SLC25A21: variants seen among roughly 807,000 people sequenced by gnomAD.
SLC25A21 encodes solute carrier family 25 member 21, also known as mitochondrial 2-oxodicarboxylate carrier.
SLC25A21 carries 47 observed loss-of-function variants against 43.8 expected under a neutral mutation model. That is an observed-to-expected ratio of 1.07 (90% CI 0.85 to 1.37). The LOEUF (loss-of-function observed/expected upper bound fraction) is 1.37. SLC25A21 is among the 40% of genes most tolerant of loss of function. The pLI is 0.00. For missense variants in SLC25A21, 352 were observed against 350.2 expected (o/e 1.00, Z -0.04); for synonymous variants, 131 against 121.3 (o/e 1.08, Z -0.52).
chr14:36,802,241 G>A (rs574487564), intron 3 of SLC25A21, among the ~76,000 whole-genome samples: 3 of 152,136 alleles, frequency 2.0e-5, no homozygotes, highest in African/African-American at 7.2e-5. Flanking sequence ...TATGAAACTA[G>A]TAATTATTCA....
chr14:36,837,965 G>A (rs1889264364), intron 2 of SLC25A21, among the ~76,000 whole-genome samples: 1 of 152,216 alleles, frequency 6.6e-6, no homozygotes, highest in Non-Finnish European at 1.5e-5. Flanking sequence ...CAGGAACCAA[G>A]TCATCACCAC....
intron 1 of SLC25A21, among the ~76,000 whole-genome samples, chr14:36,910,553 G>C (rs1891660865): frequency 6.6e-6 from 1 of 152,178 alleles, no homozygotes; most frequent in South Asian, 2.1e-4. Context: ...GCTGGGGACA[G>C]AGAGAAAGGA....
intron 1 of SLC25A21, among the ~76,000 whole-genome samples, chr14:37,022,019 T>C (rs1208564885): frequency 6.6e-6 from 1 of 151,782 alleles, no homozygotes; most frequent in Non-Finnish European, 1.5e-5. Context: ...GCATTATTTA[T>C]AAAATAAGCC....
chr14:36,923,223 C>T (rs182388468), intron 1 of SLC25A21, among the ~76,000 whole-genome samples: 3 of 152,228 alleles, frequency 2.0e-5, no homozygotes, highest in Non-Finnish European at 2.9e-5. Flanking sequence ...TAGCTATCCA[C>T]GCATTATGAA....
chr14:36,853,871 G>C (rs1269563979), intron 2 of SLC25A21, among the ~76,000 whole-genome samples: 1 of 152,196 alleles, frequency 6.6e-6, no homozygotes, highest in Non-Finnish European at 1.5e-5. Flanking sequence ...ACTTGGATTA[G>C]AGAGCACAGT....
intron 1 of SLC25A21, among the ~76,000 whole-genome samples, chr14:37,164,491 C>T (rs1963999466): frequency 6.6e-6 from 1 of 152,132 alleles, no homozygotes; most frequent in Non-Finnish European, 1.5e-5. Context: ...TCCAAAGGTG[C>T]CATTTATCCA....
intron 1 of SLC25A21, among the ~76,000 whole-genome samples, chr14:37,091,144 T>C (rs1175922260): frequency 1.3e-5 from 2 of 152,012 alleles, no homozygotes; most frequent in African/African-American, 4.8e-5. Flanking sequence ...TTAGAAACAA[T>C]AGACAATGGG....
At chr14:36,925,654 C>A (rs188628048) in intron 1 of SLC25A21, among the ~76,000 whole-genome samples, 5 of 152,212 alleles carry the variant, frequency 3.3e-5, no homozygotes, top group Non-Finnish European at 7.4e-5. Context: ...CAAGACCAAC[C>A]TAGCCAACAT....
Position 36,734,519 on chromosome 14 carries a change from T to C in SLC25A21, c.258A>G (p.Lys86=). ...ATGCAATGCTTACCTTCACTGCTCT[T>C]TTTGGGGTTTCAGCCAAGATAGGTG... The part of the protein sequence containing the change: ...ILPPILAETP[K]RAVKFFTFEQ... Residue 86 remains lysine, a synonymous_variant, in exon 4 of 10, where the codon AAA becomes AAG. Coordinates refer to ENST00000331299, the MANE Select transcript of SLC25A21 (RefSeq NM_030631.4). The C allele has an allele frequency of 6.2e-7, 1 of 1,607,582 alleles. No homozygotes were observed. The highest frequency in any genetic ancestry group is 1.3e-5 in the African/African-American group (1 of 74,958).
At chr14:36,979,087 CAAAA>C (rs956449715) in intron 1 of SLC25A21, among the ~76,000 whole-genome samples, 1 of 151,312 alleles carries the variant, frequency 6.6e-6, no homozygotes, top group East Asian at 1.9e-4. Flanking sequence ...GACCCTGTAT[CAAAA>C]AAAACAGTTT....
At chr14:36,869,385 T>C (rs573474207) in intron 2 of SLC25A21, among the ~76,000 whole-genome samples, 5 of 146,182 alleles carry the variant, frequency 3.4e-5, no homozygotes, top group Non-Finnish European at 7.6e-5. Flanking sequence ...TAACAGTGAA[T>C]GTACAATGTC....
intron 4 of SLC25A21, among the ~76,000 whole-genome samples, chr14:36,730,442 G>A (rs958527506): frequency 2.0e-5 from 3 of 152,116 alleles, no homozygotes; most frequent in South Asian, 2.1e-4. Flanking sequence ...TCTGATTCTC[G>A]AGACCCCAAA....
intron 1 of SLC25A21, among the ~76,000 whole-genome samples, chr14:36,926,102 G>A (rs1007446402): frequency 6.6e-6 from 1 of 152,000 alleles, no homozygotes; most frequent in African/African-American, 2.4e-5. Flanking sequence ...TAGAACATAG[G>A]CTGGATCATA....
intron 3 of SLC25A21, among the ~76,000 whole-genome samples, chr14:36,784,319 C>T (rs542938006): frequency 1.3e-5 from 2 of 152,320 alleles, no homozygotes; most frequent in African/African-American, 2.4e-5. Context: ...AAAACTTACA[C>T]ATTCATGCAG....
intron 2 of SLC25A21, among the ~76,000 whole-genome samples, chr14:36,838,447 T>C (rs377473595): frequency 6.6e-6 from 1 of 152,182 alleles, no homozygotes. Context: ...ACCTAGCTTC[T>C]ACTAAGATTG....
At position 37,118,797 on chromosome 14, in the gene SLC25A21, T is replaced by A. The variant is rs1057339051; in HGVS notation, c.70+53484A>T. Among the ~76,000 whole-genome samples the A allele has an allele frequency of 2.6e-5, 4 of 151,890 alleles. No homozygotes were observed. The East Asian group carries it at 7.7e-4, about 29-fold the overall frequency. On this transcript the variant is annotated intron_variant, in intron 1 of 9. Transcript: ENST00000331299. ...CCTGAAAATCCACCATTACAATAAT[T>A]TTTTTTTAATTTAAAGGTTTTTTCA...
intron 3 of SLC25A21, among the ~76,000 whole-genome samples, chr14:36,745,002 C>T (rs935509571): frequency 4.6e-5 from 7 of 151,660 alleles, no homozygotes; most frequent in Non-Finnish European, 1.5e-5. Context: ...AATGCTATCC[C>T]TCCCCAGCCC....
At chr14:36,792,303 T>C (rs1190181461) in intron 3 of SLC25A21, among the ~76,000 whole-genome samples, 1 of 152,170 alleles carries the variant, frequency 6.6e-6, no homozygotes, top group Non-Finnish European at 1.5e-5. Flanking sequence ...GAAATCTTTA[T>C]AAAAACTTGA....
intron 2 of SLC25A21, among the ~76,000 whole-genome samples, chr14:36,857,919 G>C (rs1194021727): frequency 6.6e-6 from 1 of 152,136 alleles, no homozygotes; most frequent in Non-Finnish European, 1.5e-5. Flanking sequence ...TTGGCTTTCG[G>C]GGGGAATATT....
Sources: gnomAD v4.1 joint callset for allele counts (sites outside exome capture counted in the v4.1 genomes callset) on GRCh38, gnomAD v4.1.1 for gene constraint, MANE v1.5 for transcripts, NCBI Gene and HGNC (gene_info 2026-07-23, HGNC 2026-07-21) for gene names.